ACOX3: variants seen among roughly 807,000 people sequenced by gnomAD.
ACOX3 encodes the protein peroxisomal acyl-coenzyme A oxidase 3.
Under a neutral mutation model 81.5 loss-of-function variants are expected in ACOX3, and 73 were observed. The observed-to-expected ratio is 0.90, with a 90% CI of 0.74 to 1.09. The LOEUF (loss-of-function observed/expected upper bound fraction) is 1.09, where lower values mean the gene tolerates loss of function less well. Among genes scored for constraint, ACOX3 ranks in the 50% least tolerant of loss-of-function variants. The pLI, the probability that ACOX3 is intolerant of heterozygous loss-of-function variation, is 0.00. For synonymous variants in ACOX3, 387 were observed against 375.1 expected (o/e 1.03, Z -0.37); for missense variants, 947 against 928.0 (o/e 1.02, Z -0.27).
rs112271130 is a variant in ACOX3, at chr4:8,406,639, C to T, written c.688-596G>A. On this transcript the variant is annotated intron_variant, in intron 6 of 17. Coordinates refer to ENST00000356406, the MANE Select transcript of ACOX3 (RefSeq NM_003501.3). This position sits in a 1 kb window ranked among gnomAD's most constrained non-coding sequence, Gnocchi z 5.6. ...AGCCATCTCCAATGATAGGTAAGACCACATGGGTCACATGTCCACTGGACA... is the reference window on the plus strand; with the variant it reads ...AGCCATCTCCAATGATAGGTAAGACTACATGGGTCACATGTCCACTGGACA... Among the ~76,000 whole-genome samples, 9 of 152,180 alleles carry T rather than the reference C, an allele frequency of 5.9e-5. No individual in the cohort carries two copies. Among genetic ancestry groups the T allele is most frequent in the African/African-American group, 2.2e-4 (9 of 41,438 alleles).
intron 1 of ACOX3, chr4:8,439,255 T>G (rs1046381666): frequency 1.3e-5 from 2 of 152,188 alleles, no homozygotes; most frequent in African/African-American, 4.8e-5. Flanking sequence ...ACATACTACT[T>G]AGTCAGGAAA....
chr4:8,422,634 G>C (rs935054808), intron 1 of ACOX3, among the ~76,000 whole-genome samples: 1 of 152,192 alleles, frequency 6.6e-6, no homozygotes, highest in East Asian at 1.9e-4. Context: ...CTGATCTATT[G>C]TGTTGTTGTA....
intron 5 of ACOX3, among the ~76,000 whole-genome samples, chr4:8,410,691 T>G (rs952506227): frequency 2.0e-5 from 3 of 152,166 alleles, no homozygotes; most frequent in African/African-American, 7.2e-5. Flanking sequence ...GAGCTGTCTG[T>G]GCACTGTGGG....
At chr4:8,356,258 C>A in the ACOX3 span, 1 of 339,506 alleles carries the variant, frequency 2.9e-6, no homozygotes. Flanking sequence ...CATCCAGGAG[C>A]CTGCCCTAGA....
chr4:8,373,962 A>T, intron 15 of ACOX3: 1 of 327,290 alleles, frequency 3.1e-6, no homozygotes, highest in Non-Finnish European at 5.8e-6. Context: ...CTCGGGAGAA[A>T]GTGAGGAAGG....
At chr4:8,403,592 G>C (rs867278628) in intron 7 of ACOX3, among the ~76,000 whole-genome samples, 1 of 152,226 alleles carries the variant, frequency 6.6e-6, no homozygotes, top group Admixed American at 6.5e-5. Flanking sequence ...CTGAACCAGC[G>C]TCAAAGGGCG....
chr4:8,381,644 T>C lies in ACOX3; in HGVS notation c.1538-37A>G, dbSNP rs532868233. 20 of 1,490,314 alleles carry C rather than the reference T, an allele frequency of 1.3e-5. 1 individual carries two copies. The African/African-American group carries it at 2.2e-4, about 16-fold the overall frequency. The allele number at this position is 1,490,314 out of a possible 1,614,324, so 92.3% of individuals were successfully genotyped here. Reference sequence around the variant, plus strand: ...CAAACAGAAGGAGAAAAAGTAACAATAGAGAACACAGCATTTGTCACAACT... The same window carrying C: ...CAAACAGAAGGAGAAAAAGTAACAACAGAGAACACAGCATTTGTCACAACT... On this transcript the variant is annotated intron_variant, in intron 13 of 17. Transcript: ENST00000356406. The surrounding 1 kb of genome is among the most constrained non-coding windows in gnomAD (Gnocchi z 4.3).
chr4:8,371,753 C>T (rs576694394), intron 16 of ACOX3, among the ~76,000 whole-genome samples: 5 of 152,358 alleles, frequency 3.3e-5, no homozygotes, highest in South Asian at 4.1e-4. Flanking sequence ...GCACAGAGGC[C>T]GCAGACAAAT....
chr4:8,359,919 GCTTT>G, the ACOX3 span, among the ~76,000 whole-genome samples: 1 of 152,218 alleles, frequency 6.6e-6, no homozygotes, highest in African/African-American at 2.4e-5. The surrounding 1 kb of genome is among the most constrained non-coding windows in gnomAD (Gnocchi z 6.0). Context: ...GGTCTGGTGT[GCTTT>G]CTGTGTCTTT....
the ACOX3 span, among the ~76,000 whole-genome samples, chr4:8,360,426 AT>A: frequency 5.3e-5 from 8 of 151,894 alleles, no homozygotes; most frequent in African/African-American, 1.9e-4. Flanking sequence ...TGCAGGTGAG[AT>A]ATTAAGTTTG....
chr4:8,437,044 T>C lies in ACOX3; in HGVS notation c.-15+3604A>G, dbSNP rs1352057629. 1.4e-5 allele frequency among the ~76,000 whole-genome samples: 2 copies of C among 144,640 alleles called. No individual in the cohort carries two copies. The highest frequency in any genetic ancestry group is 5.0e-5 in the African/African-American group (2 of 39,630). 94.9% of individuals were successfully genotyped at this position (144,640 alleles called of 152,430 possible). On this transcript the variant is annotated intron_variant, in intron 1 of 17. Coordinates refer to ENST00000356406, the MANE Select transcript of ACOX3 (RefSeq NM_003501.3). This position sits in a 1 kb window ranked among gnomAD's most constrained non-coding sequence, Gnocchi z 5.2. ...ATATATTCGAAAAAATATATATAAA[T>C]ATATATATACAAATATATGTAAATA... is the stretch of plus-strand genomic sequence containing the variant.
intron 1 of ACOX3, among the ~76,000 whole-genome samples, chr4:8,420,337 C>T (rs369321704): frequency 1.4e-4 from 22 of 152,254 alleles, no homozygotes; most frequent in African/African-American, 5.3e-4. Flanking sequence ...AAGATCTGTG[C>T]ACCTTGGGGG....
At chr4:8,380,014 A>T (rs1026799506) in intron 14 of ACOX3, among the ~76,000 whole-genome samples, 2 of 152,038 alleles carry the variant, frequency 1.3e-5, no homozygotes, top group African/African-American at 4.8e-5. Context: ...ACAGGCATCC[A>T]CTGGTTTCTG....
rs951370720 is a variant in ACOX3 at position 8,382,677 on chromosome 4, C to T, written c.1538-1070G>A. On this transcript the variant is annotated intron_variant, in intron 13 of 17. Coordinates refer to ENST00000356406, the MANE Select transcript of ACOX3 (RefSeq NM_003501.3). This position sits in a 1 kb window ranked among gnomAD's most constrained non-coding sequence, Gnocchi z 4.1. The stretch of plus-strand genomic sequence containing the variant: ...GCTTGGGATTTCCTTCTATGTCACA[C>T]AGCCCAGGTCACTGGGAAGAAAATA... Among the ~76,000 whole-genome samples the T allele has an allele frequency of 1.3e-5, 2 of 152,234 alleles. No individual in the cohort carries two copies. The highest frequency in any genetic ancestry group is 2.9e-5 in the Non-Finnish European group (2 of 68,044).
At chr4:8,362,117 A>G (rs191293310), downstream of ACOX3, among the ~76,000 whole-genome samples, 25 of 152,326 alleles carry the variant, frequency 1.6e-4, no homozygotes, top group East Asian at 3.7e-3. Context: ...ATAACCAACT[A>G]TGGAGCTCTC....
Position 8,406,663 on chromosome 4 carries a change from CA to C in ACOX3, c.688-621del, listed in dbSNP as rs1308878892. ...CCACATGGGTCACATGTCCACTGGA[CA>C]GGGGGCCCTTCCCTGCCTGGCAGCT... is the stretch of plus-strand genomic sequence containing the variant. On this transcript the variant is annotated intron_variant, in intron 6 of 17. Transcript: ENST00000356406. The surrounding 1 kb of genome is among the most constrained non-coding windows in gnomAD (Gnocchi z 5.6). 6.6e-6 allele frequency among the ~76,000 whole-genome samples: 1 copy of C among 152,184 alleles called. No homozygotes were observed. The highest frequency in any genetic ancestry group is 1.5e-5 in the Non-Finnish European group (1 of 68,022).
downstream of ACOX3, among the ~76,000 whole-genome samples, chr4:8,364,776 C>T (rs189592666): frequency 3.3e-5 from 5 of 152,144 alleles, no homozygotes; most frequent in African/African-American, 1.2e-4. The surrounding 1 kb of genome is among the most constrained non-coding windows in gnomAD (Gnocchi z 5.0). Context: ...AGTTTCAGAC[C>T]AAAGGCTGGA....
chr4:8,437,846 A>T lies in ACOX3; in HGVS notation c.-15+2802T>A, dbSNP rs1382522887. On this transcript the variant is annotated intron_variant, in intron 1 of 17. Transcript: ENST00000356406. This position sits in a 1 kb window ranked among gnomAD's most constrained non-coding sequence, Gnocchi z 5.2. ...ATACTGATCTGATCAGGCTGGCAGG[A>T]GCTAAAGAATGTAAAGACTAGGGCA... is the stretch of plus-strand genomic sequence containing the variant. Among the ~76,000 whole-genome samples, 3 of 152,350 alleles carry T rather than the reference A, an allele frequency of 2.0e-5. No individual in the cohort carries two copies. The South Asian group carries it at 6.2e-4, about 32-fold the overall frequency.
At chr4:8,363,943 C>T (rs1715285487), downstream of ACOX3, among the ~76,000 whole-genome samples, 1 of 152,136 alleles carries the variant, frequency 6.6e-6, no homozygotes, top group Non-Finnish European at 1.5e-5. Context: ...AAGAAATAAC[C>T]ATAAAAATGG....
Sources: allele counts gnomAD v4.1 joint callset (sites outside exome capture counted in the v4.1 genomes callset), GRCh38; gene constraint gnomAD v4.1.1; non-coding constraint Gnocchi (gnomAD v3.1); transcripts MANE v1.5; gene names NCBI Gene and HGNC (gene_info 2026-07-23, HGNC 2026-07-21).